The following SLC24A4 variants were observed in gnomAD, a reference collection of about 807,000 sequenced individuals.
The protein encoded by SLC24A4 is solute carrier family 24 member 4, also known as sodium/potassium/calcium exchanger 4.
A neutral mutation model predicts 79.0 loss-of-function variants in SLC24A4; 53 were observed. That is an observed-to-expected ratio of 0.67 (90% CI 0.54 to 0.84). SLC24A4 has a LOEUF of 0.84. Ranked by LOEUF, SLC24A4 falls within the 40% of genes least tolerant of loss-of-function variation. The pLI is 0.00. For synonymous variants in SLC24A4, 323 were observed against 323.8 expected (o/e 1.00, Z 0.03); for missense variants, 731 against 822.0 (o/e 0.89, Z 1.35).
chr14:92,386,239 C>G (rs141546383), intron 2 of SLC24A4, among the ~76,000 whole-genome samples: 93 of 152,184 alleles, frequency 6.1e-4, no homozygotes, highest in South Asian at 1.2e-3. Context: ...AATATTGTGA[C>G]AAGCGTGGGA....
chr14:92,364,866 G>C (rs967329137), intron 2 of SLC24A4, among the ~76,000 whole-genome samples: 4 of 152,218 alleles, frequency 2.6e-5, no homozygotes, highest in African/African-American at 9.6e-5. Context: ...TGCCTCATTA[G>C]TGTTTGCTAA....
chr14:92,425,350 G>C (rs1891507566), intron 2 of SLC24A4, among the ~76,000 whole-genome samples: 1 of 152,230 alleles, frequency 6.6e-6, no homozygotes, highest in Non-Finnish European at 1.5e-5. Flanking sequence ...AAGGATTCCA[G>C]TGGACATGAG....
chr14:92,426,904 A>C (rs1053755441), intron 2 of SLC24A4, among the ~76,000 whole-genome samples: 1 of 152,228 alleles, frequency 6.6e-6, no homozygotes, highest in Non-Finnish European at 1.5e-5. Flanking sequence ...TCATCGTTTC[A>C]GAATAAACGT....
chr14:92,439,805 C>T (rs915190059), intron 4 of SLC24A4, among the ~76,000 whole-genome samples: 1 of 152,318 alleles, frequency 6.6e-6, no homozygotes, highest in African/African-American at 2.4e-5. Context: ...GCCAGGGGGA[C>T]GCCAAGCTGC....
At chr14:92,473,898 G>A (rs903543963) in intron 12 of SLC24A4, among the ~76,000 whole-genome samples, 1 of 152,226 alleles carries the variant, frequency 6.6e-6, no homozygotes. Flanking sequence ...GTGCCTGGGA[G>A]AAATGATCCC....
At chr14:92,468,892 C>CCA (rs1344365121) in intron 12 of SLC24A4, among the ~76,000 whole-genome samples, 8 of 81,480 alleles carry the variant, frequency 9.8e-5, no homozygotes, top group Admixed American at 1.4e-4. Context: ...AATCATGTAT[C>CCA]TGTGTGTGTG....
intron 2 of SLC24A4, among the ~76,000 whole-genome samples, chr14:92,379,968 T>C (rs530826895): frequency 6.6e-6 from 1 of 152,288 alleles, no homozygotes; most frequent in East Asian, 1.9e-4. Context: ...TGACGTTGTG[T>C]CACATGGTAT....
intron 2 of SLC24A4, among the ~76,000 whole-genome samples, chr14:92,370,284 G>A (rs145721279): frequency 1.2e-3 from 177 of 152,310 alleles, no homozygotes; most frequent in African/African-American, 3.9e-3. Context: ...AACAGGAGAT[G>A]CCTGAACCTG....
At chr14:92,355,327 T>A (rs1053848527) in intron 2 of SLC24A4, among the ~76,000 whole-genome samples, 2 of 151,904 alleles carry the variant, frequency 1.3e-5, no homozygotes, top group South Asian at 4.2e-4. Context: ...CTATAGAGAT[T>A]GGGAAGAGGG....
chr14:92,323,867 C>T lies in SLC24A4; in HGVS notation c.37C>T (p.Arg13Cys), dbSNP rs2141580677. The T allele has an allele frequency of 3.1e-6, 5 of 1,600,724 alleles. No individual in the cohort carries two copies. Among genetic ancestry groups the T allele is most frequent in the Admixed American group, 1.7e-5 (1 of 59,468 alleles). ...LRGTLRPLKVRRRREMLPQQV... is the reference protein window; with the variant it reads ...LRGTLRPLKVCRRREMLPQQV... ...CGGGACCCTCCGGCCGCTCAAAGTTCGCAGGAGGCGAGAGATGCTGCCGCA... is the reference window on the plus strand; with the variant it reads ...CGGGACCCTCCGGCCGCTCAAAGTTTGCAGGAGGCGAGAGATGCTGCCGCA... The change falls in exon 1 of 17, where the codon CGC becomes TGC. Residue 13 changes from arginine to cysteine, a missense_variant. Arg to Cys is a radical substitution (Grantham distance 180). Coordinates refer to ENST00000532405, the MANE Select transcript of SLC24A4 (RefSeq NM_153646.4). This position sits in a 1 kb window ranked among gnomAD's most constrained non-coding sequence, Gnocchi z 4.9.
chr14:92,470,071 C>A (rs1440403933), intron 12 of SLC24A4, among the ~76,000 whole-genome samples: 1 of 152,176 alleles, frequency 6.6e-6, no homozygotes, highest in Non-Finnish European at 1.5e-5. Context: ...TTAATTATAT[C>A]TCAATTGCTT....
intron 2 of SLC24A4, among the ~76,000 whole-genome samples, chr14:92,425,136 G>A (rs1891498288): frequency 6.6e-6 from 1 of 152,230 alleles, no homozygotes; most frequent in Non-Finnish European, 1.5e-5. Flanking sequence ...AGAAGAGGCT[G>A]TGTGAAGACA....
intron 9 of SLC24A4, among the ~76,000 whole-genome samples, chr14:92,448,153 G>A (rs1892908628): frequency 6.6e-6 from 1 of 152,130 alleles, no homozygotes; most frequent in African/African-American, 2.4e-5. Flanking sequence ...CAGTGCAGGC[G>A]GCTGGGGAGC....
intron 2 of SLC24A4, among the ~76,000 whole-genome samples, chr14:92,395,476 C>A (rs986836737): frequency 1.6e-4 from 24 of 151,016 alleles, no homozygotes; most frequent in African/African-American, 5.6e-4. Context: ...CGAAACTATC[C>A]CCCAAGCTCC....
chr14:92,330,217 G>A (rs1885391182), intron 2 of SLC24A4, among the ~76,000 whole-genome samples: 2 of 152,182 alleles, frequency 1.3e-5, no homozygotes, highest in African/African-American at 4.8e-5. Context: ...CTAGAGCACT[G>A]CTGGACACTT....
At chr14:92,335,090 G>A (rs1191238454) in intron 2 of SLC24A4, among the ~76,000 whole-genome samples, 2 of 152,146 alleles carry the variant, frequency 1.3e-5, no homozygotes, top group Non-Finnish European at 2.9e-5. Context: ...ACAAAAAGCA[G>A]AGTCAGTGGT....
At chr14:92,434,043 C>A in intron 3 of SLC24A4, 55 bp downstream of exon 3, 1 of 1,355,608 alleles carries the variant, frequency 7.4e-7, no homozygotes, top group Non-Finnish European at 1.1e-6. Flanking sequence ...AGCCTCTCTG[C>A]ACAGCGGGGC....
intron 5 of SLC24A4, 89 bp downstream of exon 5, chr14:92,442,262 C>A: frequency 1.0e-6 from 1 of 985,520 alleles, no homozygotes. Context: ...CTCTGAGCCT[C>A]AGTTTTCTCA....
At chr14:92,385,365 C>A (rs925970960) in intron 2 of SLC24A4, among the ~76,000 whole-genome samples, 5 of 151,936 alleles carry the variant, frequency 3.3e-5, no homozygotes, top group African/African-American at 1.2e-4. Flanking sequence ...ATTAACTGGG[C>A]GTGTGCGTGT....
Sources: allele counts gnomAD v4.1 joint callset (sites outside exome capture counted in the v4.1 genomes callset), GRCh38; gene constraint gnomAD v4.1.1; non-coding constraint Gnocchi (gnomAD v3.1); transcripts MANE v1.5; gene names NCBI Gene and HGNC (gene_info 2026-07-23, HGNC 2026-07-21).